MYO18B: variants seen among roughly 807,000 people sequenced by gnomAD.
The protein encoded by MYO18B is unconventional myosin-XVIIIb.
MYO18B carries 204 observed loss-of-function variants against 273.0 expected under a neutral mutation model. The observed-to-expected ratio is 0.75, with a 90% CI of 0.67 to 0.84. The LOEUF (loss-of-function observed/expected upper bound fraction) is 0.84. MYO18B is among the 40% of genes least tolerant of loss of function. MYO18B has a pLI of 0.00. For synonymous variants in MYO18B, 1,330 were observed against 1,305.7 expected, an observed-to-expected ratio of 1.02 and a Z score of -0.40; for missense variants, 3,212 against 3,287.6, an observed-to-expected ratio of 0.98 and a Z score of 0.56.
At chr22:25,928,337 G>A (rs142437520) in intron 34 of MYO18B, among the ~76,000 whole-genome samples, 59 of 151,150 alleles carry the variant, frequency 3.9e-4, no homozygotes, top group African/African-American at 1.4e-3. Flanking sequence ...GGAGACAGAG[G>A]GAGGTCTTTT....
intron 36 of MYO18B, among the ~76,000 whole-genome samples, chr22:25,949,171 A>C (rs184255307): frequency 1.3e-5 from 2 of 152,196 alleles, no homozygotes; most frequent in African/African-American, 2.4e-5. Context: ...AGCAGCCAGC[A>C]TGCCACCCCA....
chr22:26,042,669 T>C, the MYO18B span, among the ~76,000 whole-genome samples: 1 of 152,188 alleles, frequency 6.6e-6, no homozygotes, highest in African/African-American at 2.4e-5. Flanking sequence ...CCAGCTCCAG[T>C]TTTAGAAAGC....
At chr22:26,058,944 G>A in the MYO18B span, among the ~76,000 whole-genome samples, 1 of 152,302 alleles carries the variant, frequency 6.6e-6, no homozygotes, top group African/African-American at 2.4e-5. Flanking sequence ...AAGGGTGGAA[G>A]GAGCAGGTTA....
intron 12 of MYO18B, among the ~76,000 whole-genome samples, chr22:25,816,866 C>T (rs897513586): frequency 6.6e-6 from 1 of 152,202 alleles, no homozygotes; most frequent in African/African-American, 2.4e-5. Context: ...AGCCTCCTTC[C>T]TCACAGGCCT....
At chr22:26,046,006 C>T in the MYO18B span, among the ~76,000 whole-genome samples, 1,226 of 152,320 alleles carry the variant, frequency 8.0e-3, 14 homozygotes, top group African/African-American at 0.027. Context: ...GGCTCTGCTA[C>T]TGCTGAATAA....
intron 6 of MYO18B, 91 bp downstream of exon 6, chr22:25,771,075 T>C (rs1258360585): frequency 2.1e-6 from 2 of 942,130 alleles, no homozygotes; most frequent in Middle Eastern, 2.8e-4. Flanking sequence ...CTGCAAGAGA[T>C]TTCCTTGTTC....
At chr22:25,824,452 A>T (rs1323419670) in intron 13 of MYO18B, among the ~76,000 whole-genome samples, 2 of 152,074 alleles carry the variant, frequency 1.3e-5, no homozygotes, top group Non-Finnish European at 2.9e-5. Flanking sequence ...GCCGTGGGGG[A>T]AAAACAGGAG....
intron 33 of MYO18B, among the ~76,000 whole-genome samples, chr22:25,911,933 TG>T (rs2092167343): frequency 6.6e-6 from 1 of 152,232 alleles, no homozygotes; most frequent in African/African-American, 2.4e-5. Context: ...GAGAAATGCC[TG>T]TGGCTTCTAT....
intron 28 of MYO18B, chr22:25,896,173 G>A (rs1250968866): frequency 6.6e-6 from 1 of 152,044 alleles, no homozygotes; most frequent in Non-Finnish European, 1.5e-5. Flanking sequence ...ATTGTCAATT[G>A]GATCTCTAAA....
At chr22:25,885,022 A>G (rs189593816) in intron 25 of MYO18B, 1 of 152,166 alleles carries the variant, frequency 6.6e-6, no homozygotes, top group African/African-American at 2.4e-5. Flanking sequence ...AGAAAATGAC[A>G]TATCGTAGAC....
At chr22:25,962,664 G>C (rs1489013593) in intron 39 of MYO18B, among the ~76,000 whole-genome samples, 4 of 152,196 alleles carry the variant, frequency 2.6e-5, no homozygotes, top group Non-Finnish European at 5.9e-5. Flanking sequence ...CACAAGATGG[G>C]ATGTGTGGAC....
chr22:25,869,652 T>A (rs1330886676), intron 22 of MYO18B, among the ~76,000 whole-genome samples: 1 of 152,092 alleles, frequency 6.6e-6, no homozygotes, highest in South Asian at 2.1e-4. Flanking sequence ...GTGGGAGGGT[T>A]CTGCTCTCCA....
At chr22:25,903,155 A>C in intron 30 of MYO18B, 1 of 196,640 alleles carries the variant, frequency 5.1e-6, no homozygotes. Context: ...TCGCAGGAGA[A>C]CCTCTGAGCG....
chr22:25,932,353 C>A (rs1411270139), intron 34 of MYO18B, among the ~76,000 whole-genome samples: 1 of 151,346 alleles, frequency 6.6e-6, no homozygotes, highest in African/African-American at 2.4e-5. Flanking sequence ...TTCCTTCTTT[C>A]TTCCCTTTCT....
chr22:25,828,663 C>T, intron 14 of MYO18B, 113 bp from the exon 15 acceptor site: 2 of 1,008,198 alleles, frequency 2.0e-6, no homozygotes, highest in East Asian at 2.5e-5. Context: ...TGAGGTCACA[C>T]AGCCTGTAAG....
At chr22:26,021,499 C>T (rs954598979) in intron 42 of MYO18B, among the ~76,000 whole-genome samples, 10 of 152,206 alleles carry the variant, frequency 6.6e-5, no homozygotes, top group African/African-American at 2.4e-4. Flanking sequence ...GTGCTTCCCT[C>T]ACTCACTCAA....
intron 11 of MYO18B, among the ~76,000 whole-genome samples, chr22:25,787,381 A>T (rs148391003): frequency 3.6e-4 from 55 of 151,834 alleles, no homozygotes; most frequent in African/African-American, 1.2e-3. Flanking sequence ...AGGCCTGAGA[A>T]TGTGCCTTTC....
intron 10 of MYO18B, among the ~76,000 whole-genome samples, chr22:25,783,207 C>A (rs971363725): frequency 6.6e-6 from 1 of 152,178 alleles, no homozygotes. Context: ...ACCAGGTCAT[C>A]CAAAGAAATG....
intron 7 of MYO18B, among the ~76,000 whole-genome samples, chr22:25,775,903 G>T (rs540734263): frequency 6.6e-6 from 1 of 151,858 alleles, no homozygotes; most frequent in South Asian, 2.1e-4. Flanking sequence ...AAAAAATCAG[G>T]CTTACATTAT....
Sources: allele counts gnomAD v4.1 joint callset (sites outside exome capture counted in the v4.1 genomes callset), GRCh38; gene constraint gnomAD v4.1.1; transcripts MANE v1.5; gene names NCBI Gene and HGNC (gene_info 2026-07-23, HGNC 2026-07-21).